The following SLC25A48 variants were observed in gnomAD, a reference collection of about 807,000 sequenced individuals.
The protein encoded by SLC25A48 is CTC-321K16.1.
Under a neutral mutation model 32.2 loss-of-function variants are expected in SLC25A48, and 29 were observed. That is an observed-to-expected ratio of 0.90 (90% CI 0.67 to 1.23). The LOEUF is 1.23. SLC25A48 is among the 50% of genes most tolerant of loss of function. The pLI is 0.00. For synonymous variants in SLC25A48, 164 were observed against 172.3 expected, an observed-to-expected ratio of 0.95 and a Z score of 0.38; for missense variants, 399 against 422.7, an observed-to-expected ratio of 0.94 and a Z score of 0.49.
intron 3 of SLC25A48, among the ~76,000 whole-genome samples, chr5:135,756,738 A>C (rs1417023870): frequency 6.6e-6 from 1 of 152,032 alleles, no homozygotes; most frequent in Non-Finnish European, 1.5e-5. Flanking sequence ...AACACACCAT[A>C]ATATTAATAG....
chr5:135,759,885 A>G lies in SLC25A48; in HGVS notation c.-520-52638A>G, dbSNP rs201115946. 2.4e-4 allele frequency among the ~76,000 whole-genome samples: 36 copies of G among 147,262 alleles called. No homozygotes were observed. In the East Asian group the frequency reaches 6.9e-3, roughly 28 times the overall value. ...CACTCTGTCGCCCAGCCTGGAGTGC[A>G]ATGGCACGATCTCAGCTCACTGCAA... On this transcript the variant is annotated intron_variant, in intron 3 of 10. Coordinates refer to the SLC25A48 transcript ENST00000646290.
chr5:135,706,727 G>A (rs897047222), intron 3 of SLC25A48, among the ~76,000 whole-genome samples: 2 of 152,082 alleles, frequency 1.3e-5, no homozygotes, highest in African/African-American at 2.4e-5. Flanking sequence ...GGGGTAAGGG[G>A]CACGGTCCCC....
At chr5:135,664,429 C>T (rs184439899) in intron 3 of SLC25A48, among the ~76,000 whole-genome samples, 64 of 152,272 alleles carry the variant, frequency 4.2e-4, no homozygotes, top group African/African-American at 1.5e-3. Context: ...TAATGGGAAG[C>T]AGGATTATGA....
chr5:135,726,191 T>C (rs1755084529), intron 3 of SLC25A48, among the ~76,000 whole-genome samples: 1 of 152,262 alleles, frequency 6.6e-6, no homozygotes. Context: ...AGCAGGGCCA[T>C]GTCTGCCAGT....
intron 7 of SLC25A48, chr5:135,883,269 T>C (rs1762601081): frequency 2.0e-6 from 2 of 985,318 alleles, no homozygotes; most frequent in South Asian, 4.7e-5. Context: ...CAACTGACCA[T>C]TGGTCAACTG....
intron 7 of SLC25A48, 50 bp downstream of exon 7, chr5:135,880,147 T>C: frequency 3.7e-6 from 1 of 270,702 alleles, no homozygotes; most frequent in Non-Finnish European, 5.7e-6. Flanking sequence ...AACTTGAAAC[T>C]TTTTTTTTTT....
rs1177032833 is a variant in SLC25A48 at position 135,629,365 on chromosome 5, G to T, written c.-720G>T. 3 of 152,278 alleles carry T rather than the reference G, an allele frequency of 2.0e-5. No homozygotes were observed. The highest frequency in any genetic ancestry group is 7.2e-5 in the African/African-American group (3 of 41,464). The allele number at this position is 152,278 out of a possible 1,614,324, so 9.4% of individuals were successfully genotyped here. A position where few individuals can be genotyped will look rare whatever the true frequency, so the allele number is the denominator to read the frequency against. On this transcript the variant is annotated 5_prime_UTR_variant, in exon 2 of 11. Transcript: ENST00000646290. The surrounding 1 kb of genome is among the most constrained non-coding windows in gnomAD (Gnocchi z 4.8). The stretch of plus-strand genomic sequence containing the variant: ...GGAACGCAGCACCTGTGGCTAAGTT[G>T]TGGTCTCACAGGTCAGTGTGGGCCC...
chr5:135,634,111 T>C (rs988006762), intron 2 of SLC25A48, among the ~76,000 whole-genome samples: 3 of 152,168 alleles, frequency 2.0e-5, no homozygotes, highest in African/African-American at 7.2e-5. Flanking sequence ...CTATTTGCTC[T>C]CCAAAAACAA....
chr5:135,816,385 A>G (rs1757719457), intron 4 of SLC25A48, among the ~76,000 whole-genome samples: 1 of 152,232 alleles, frequency 6.6e-6, no homozygotes. Context: ...CGTTTTTCAT[A>G]TAGTGCTTTT....
intron 3 of SLC25A48, among the ~76,000 whole-genome samples, chr5:135,769,287 C>A (rs1323664637): frequency 1.3e-5 from 2 of 151,128 alleles, no homozygotes; most frequent in Non-Finnish European, 3.0e-5. Context: ...TTACTGACAG[C>A]ATCACGGGTG....
intron 3 of SLC25A48, among the ~76,000 whole-genome samples, chr5:135,651,361 GT>G (rs1561775510): frequency 6.6e-6 from 1 of 152,160 alleles, no homozygotes; most frequent in Non-Finnish European, 1.5e-5. Flanking sequence ...CTTGTGAGTG[GT>G]TTCCCCCAGG....
At chr5:135,675,274 T>C (rs1354755494) in intron 3 of SLC25A48, among the ~76,000 whole-genome samples, 2 of 152,206 alleles carry the variant, frequency 1.3e-5, no homozygotes, top group East Asian at 3.9e-4. Flanking sequence ...TTGAAAATAT[T>C]TTCTCCCATT....
At chr5:135,737,316 T>C (rs1400570380) in intron 3 of SLC25A48, among the ~76,000 whole-genome samples, 4 of 152,082 alleles carry the variant, frequency 2.6e-5, no homozygotes, top group Non-Finnish European at 5.9e-5. Flanking sequence ...GGGGAGACTT[T>C]GAGCCAGGAT....
At chr5:135,722,496 T>G (rs80156553) in intron 3 of SLC25A48, among the ~76,000 whole-genome samples, 1,813 of 152,336 alleles carry the variant, frequency 0.012, 35 homozygotes, top group African/African-American at 0.042. Flanking sequence ...CGTGTTTACA[T>G]TTTTTATTAT....
At chr5:135,634,089 C>T (rs770040319) in intron 2 of SLC25A48, among the ~76,000 whole-genome samples, 2 of 152,190 alleles carry the variant, frequency 1.3e-5, no homozygotes, top group African/African-American at 4.8e-5. Flanking sequence ...ATGGCTCTAT[C>T]TCTCACCAGT....
At chr5:135,602,791 G>A (rs572920624) in intron 1 of SLC25A48, among the ~76,000 whole-genome samples, 2 of 152,186 alleles carry the variant, frequency 1.3e-5, no homozygotes, top group South Asian at 4.2e-4. Context: ...AGGCCCTGGT[G>A]TGTGATGTTC....
At chr5:135,728,857 CACACACACACACACACACACACACACAT>C (rs1755156040) in intron 3 of SLC25A48, among the ~76,000 whole-genome samples, 1 of 55,446 alleles carries the variant, frequency 1.8e-5, no homozygotes, top group African/African-American at 3.7e-5. Context: ...CACACACACA[CACACACACACACACACACACACACACAT>C]ACACACACAC....
chr5:135,860,805 A>G (rs1237928260), intron 4 of SLC25A48, among the ~76,000 whole-genome samples: 2 of 152,110 alleles, frequency 1.3e-5, no homozygotes, highest in Non-Finnish European at 2.9e-5. Flanking sequence ...CAGGATTGCC[A>G]GTCCACTTCC....
chr5:135,775,164 A>T (rs1429623079), intron 3 of SLC25A48, among the ~76,000 whole-genome samples: 1 of 151,790 alleles, frequency 6.6e-6, no homozygotes, highest in Non-Finnish European at 1.5e-5. Flanking sequence ...GGAAAAGAGG[A>T]TGATATTACT....
Sources: gnomAD v4.1 joint callset for allele counts (sites outside exome capture counted in the v4.1 genomes callset) on GRCh38, gnomAD v4.1.1 for gene constraint, Gnocchi (gnomAD v3.1) non-coding constraint, MANE v1.5 for transcripts, NCBI Gene and HGNC (gene_info 2026-07-23, HGNC 2026-07-21) for gene names.